The following SFI1 variants were observed in gnomAD, a reference collection of about 807,000 sequenced individuals.
SFI1 encodes the protein SFI1 centrin binding protein.
In SFI1, 195 loss-of-function variants were observed where a neutral mutation model predicts 207.5. The ratio of observed to expected loss-of-function variants is 0.94; its 90% confidence interval spans 0.84 to 1.06. The LOEUF (loss-of-function observed/expected upper bound fraction) is 1.06. SFI1 is among the 50% of genes least tolerant of loss of function. The pLI, the probability that SFI1 is intolerant of heterozygous loss-of-function variation, is 0.00. For missense variants in SFI1, 1,634 were observed against 1,588.0 expected (o/e 1.03, Z -0.49); for synonymous variants, 630 against 598.9 (o/e 1.05, Z -0.76).
intron 22 of SFI1, among the ~76,000 whole-genome samples, chr22:31,608,792 GC>G (rs1346350694): frequency 6.6e-6 from 1 of 152,012 alleles, no homozygotes; most frequent in African/African-American, 2.4e-5. Context: ...ATGTTTAGGG[GC>G]CAGAGACTTT....
intron 8 of SFI1, among the ~76,000 whole-genome samples, chr22:31,572,339 T>C (rs1278828240): frequency 1.3e-5 from 2 of 152,168 alleles, no homozygotes; most frequent in Non-Finnish European, 2.9e-5. Flanking sequence ...TAGACCCTTG[T>C]AGACCCTTAG....
At chr22:31,500,659 G>C in intron 1 of SFI1, among the ~76,000 whole-genome samples, 1 of 152,118 alleles carries the variant, frequency 6.6e-6, no homozygotes, top group Middle Eastern at 3.2e-3. Context: ...GTTTTGCCAT[G>C]TTGGCCAGGC....
rs986003674 is a variant in SFI1, at chr22:31,604,405, G to A, written c.1977+1G>A. On this transcript the variant is annotated splice_donor_variant, in intron 19 of 32. Coordinates refer to ENST00000400288, the MANE Select transcript of SFI1 (RefSeq NM_001007467.3). LOFTEE classifies it high-confidence loss of function. ...GCACAGGGCGCTGCAGGCATGGGTG[G>A]TAGGAACTGCTGCTTCCCTCCTGAT... The A allele has an allele frequency of 6.6e-7, 1 of 1,524,746 alleles. No individual in the cohort carries two copies. Among genetic ancestry groups the A allele is most frequent in the Non-Finnish European group, 8.8e-7 (1 of 1,138,798 alleles). The allele number at this position is 1,524,746 out of a possible 1,614,324, so 94.5% of individuals were successfully genotyped here. A position where few individuals can be genotyped will look rare whatever the true frequency, so the allele number is the denominator to read the frequency against.
At chr22:31,601,344 C>A (rs1000775001) in intron 15 of SFI1, among the ~76,000 whole-genome samples, 1 of 151,968 alleles carries the variant, frequency 6.6e-6, no homozygotes, top group South Asian at 2.1e-4. Context: ...AGGATGGTCT[C>A]GATCTCCTGA....
At chr22:31,564,053 C>A (rs764234773) in intron 8 of SFI1, among the ~76,000 whole-genome samples, 1 of 151,456 alleles carries the variant, frequency 6.6e-6, no homozygotes, top group South Asian at 2.1e-4. Context: ...ATAGGCCAGG[C>A]GCGGTGGCTC....
At chr22:31,583,670 CT>C (rs1040232568) in intron 12 of SFI1, among the ~76,000 whole-genome samples, 1 of 152,194 alleles carries the variant, frequency 6.6e-6, no homozygotes, top group African/African-American at 2.4e-5. Flanking sequence ...TTTCCATAGA[CT>C]GGAAGAACCA....
intron 12 of SFI1, among the ~76,000 whole-genome samples, chr22:31,583,241 G>A (rs1019462105): frequency 6.6e-6 from 1 of 152,156 alleles, no homozygotes; most frequent in Non-Finnish European, 1.5e-5. Context: ...AGCCTCCCAA[G>A]TAGCTGGGTT....
At chr22:31,497,486 G>A (rs1015657034) in intron 1 of SFI1, 1 of 152,136 alleles carries the variant, frequency 6.6e-6, no homozygotes, top group African/African-American at 2.4e-5. Flanking sequence ...AAACTTAAGT[G>A]TTGTGTCTGA....
upstream of SFI1, chr22:31,496,247 C>T (rs973357602): frequency 6.6e-6 from 1 of 152,286 alleles, no homozygotes; most frequent in Non-Finnish European, 1.5e-5. Flanking sequence ...CGGAATACCT[C>T]CCACTTCTCT....
intron 3 of SFI1, among the ~76,000 whole-genome samples, chr22:31,529,218 C>T (rs2058228458): frequency 1.3e-5 from 2 of 152,164 alleles, no homozygotes; most frequent in Admixed American, 6.6e-5. Flanking sequence ...CTGCTACTCT[C>T]GATTAGATAT....
At chr22:31,525,443 T>G (rs983363523) in intron 2 of SFI1, among the ~76,000 whole-genome samples, 6 of 152,082 alleles carry the variant, frequency 3.9e-5, no homozygotes, top group African/African-American at 1.4e-4. Flanking sequence ...AAAAATAAAT[T>G]GGCACTGGGT....
rs769372788 is a variant in SFI1, at chr22:31,575,368, C to T, written c.1060C>T (p.Arg354Cys). 30 of 1,610,538 alleles carry T rather than the reference C, an allele frequency of 1.9e-5. No homozygotes were observed. The highest frequency in any genetic ancestry group is 2.7e-5 in the African/African-American group (2 of 74,810). ...ACTGGCCAGGAAGATGGCCCTGCGG[C>T]GCGCCTTTACTCACTGGAAACACTG... The part of the protein sequence containing the change: ...EKLARKMALR[R>C]AFTHWKHYML... The change falls in exon 10 of 33, where the codon CGC becomes TGC. Residue 354 changes from arginine to cysteine, a missense_variant. Transcript: ENST00000400288.
intron 4 of SFI1, among the ~76,000 whole-genome samples, chr22:31,539,438 C>A (rs377312761): frequency 1.3e-5 from 2 of 152,294 alleles, no homozygotes; most frequent in East Asian, 3.9e-4. Context: ...TTTTTAATTT[C>A]CGAGAGCTTG....
In SFI1 at chr22:31,583,805, G is replaced by A. The variant is rs2064661803; in HGVS notation, c.1249-70G>A. Reference sequence around the variant, plus strand: ...TCTGCTTTGGGGGAGCTCACAGTCTGTTGGAGTAAGGATTCACTGTTTTAC... The same window carrying A: ...TCTGCTTTGGGGGAGCTCACAGTCTATTGGAGTAAGGATTCACTGTTTTAC... On this transcript the variant is annotated intron_variant, in intron 12 of 32. Coordinates refer to ENST00000400288, the MANE Select transcript of SFI1 (RefSeq NM_001007467.3). 4 of 1,377,280 alleles carry A rather than the reference G, an allele frequency of 2.9e-6. No individual in the cohort carries two copies. In the Admixed American group the frequency reaches 6.7e-5, roughly 23 times the overall value. 85.3% of individuals were successfully genotyped at this position (1,377,280 alleles called of 1,614,324 possible). A position where few individuals can be genotyped will look rare whatever the true frequency, so the allele number is the denominator to read the frequency against.
intron 12 of SFI1, among the ~76,000 whole-genome samples, chr22:31,582,179 C>G: frequency 8.6e-6 from 1 of 115,930 alleles, no homozygotes; most frequent in Non-Finnish European, 1.7e-5. Context: ...AACTTTCCTT[C>G]CCCCAACAAC....
intron 12 of SFI1, among the ~76,000 whole-genome samples, chr22:31,582,220 A>T (rs1219737161): frequency 9.2e-5 from 3 of 32,520 alleles, no homozygotes; most frequent in Admixed American, 3.9e-4. Context: ...ATATATATAT[A>T]TATATATATA....
chr22:31,516,108 CTAAT>C (rs71319200), intron 2 of SFI1, among the ~76,000 whole-genome samples: 32,967 of 151,806 alleles, frequency 0.22, 4,559 homozygotes, highest in East Asian at 0.44. Flanking sequence ...AGTATTTGTA[CTAAT>C]TAATATATAG....
intron 15 of SFI1, among the ~76,000 whole-genome samples, 190 bp downstream of exon 15, chr22:31,589,767 C>A (rs138374800): frequency 3.5e-4 from 53 of 151,302 alleles, no homozygotes; most frequent in African/African-American, 1.1e-3. Context: ...CCTGGGAAAT[C>A]TTTTGTCCAT....
intron 4 of SFI1, among the ~76,000 whole-genome samples, chr22:31,537,618 C>A (rs151142153): frequency 2.1e-3 from 313 of 152,296 alleles, no homozygotes; most frequent in Middle Eastern, 0.017. Flanking sequence ...AGGATAGTTA[C>A]GCCTGTAGGC....
Sources: gnomAD v4.1 joint callset for allele counts (sites outside exome capture counted in the v4.1 genomes callset) on GRCh38, gnomAD v4.1.1 for gene constraint, MANE v1.5 for transcripts, NCBI Gene and HGNC (gene_info 2026-07-23, HGNC 2026-07-21) for gene names.